The following ERLEC1 variants were observed in gnomAD, a reference collection of about 807,000 sequenced individuals.
The protein encoded by ERLEC1 is ER lectin.
A neutral mutation model predicts 68.0 loss-of-function variants in ERLEC1; 47 were observed. The ratio of observed to expected loss-of-function variants is 0.69; its 90% CI spans 0.55 to 0.88. ERLEC1 has a LOEUF of 0.88. Among genes scored for constraint, ERLEC1 ranks in the 40% least tolerant of loss-of-function variants. The probability of loss-of-function intolerance (pLI) is 0.00; values close to 1 mark genes in which losing one functional copy is unlikely to be tolerated. For missense variants in ERLEC1, 567 were observed against 583.8 expected, an observed-to-expected ratio of 0.97 and a Z score of 0.30; for synonymous variants, 225 against 203.2, an observed-to-expected ratio of 1.11 and a Z score of -0.91.
At chr2:53,802,758 G>A (rs758963977) in intron 8 of ERLEC1, among the ~76,000 whole-genome samples, 1 of 152,122 alleles carries the variant, frequency 6.6e-6, no homozygotes, top group Non-Finnish European at 1.5e-5. Flanking sequence ...GTACCGCGGA[G>A]TTTTGCTCTC....
chr2:53,812,485 C>T (rs965362969), intron 10 of ERLEC1, among the ~76,000 whole-genome samples: 3 of 151,966 alleles, frequency 2.0e-5, no homozygotes, highest in African/African-American at 2.4e-5. Flanking sequence ...TATAACATTG[C>T]GTAGGATGAA....
chr2:53,788,623 C>G (rs938940148), intron 1 of ERLEC1: 6 of 151,856 alleles, frequency 4.0e-5, no homozygotes, highest in Admixed American at 3.9e-4. Flanking sequence ...GTCTCGAACT[C>G]CTGGGCTCAA....
chr2:53,794,897 C>T (rs921039029), intron 2 of ERLEC1, among the ~76,000 whole-genome samples: 1 of 152,084 alleles, frequency 6.6e-6, no homozygotes, highest in Non-Finnish European at 1.5e-5. Context: ...TCATGATCTG[C>T]CCACCTCGGC....
chr2:53,796,547 C>T (rs1056011726), intron 3 of ERLEC1, among the ~76,000 whole-genome samples: 4 of 151,904 alleles, frequency 2.6e-5, no homozygotes, highest in African/African-American at 4.8e-5. Flanking sequence ...GCAGCCCCAA[C>T]GTCCCATGCT....
chr2:53,792,023 T>C (rs1054217098), intron 1 of ERLEC1, among the ~76,000 whole-genome samples: 2 of 151,650 alleles, frequency 1.3e-5, no homozygotes, highest in African/African-American at 2.4e-5. Flanking sequence ...GCCATTCACC[T>C]GCCTCAGCCT....
In ERLEC1 at chr2:53,812,206, C is replaced by T. The variant is rs754252401; in HGVS notation, c.1102-743C>T. Among the ~76,000 whole-genome samples, 17 of 152,234 alleles carry T rather than the reference C, an allele frequency of 1.1e-4. 1 individual carries two copies. The highest frequency in any genetic ancestry group is 8.3e-4 in the South Asian group (4 of 4,822). ...GTGGGATTACAAGTGTGAGCCTCCGCGCCCCAGCCAGGGGTTTTTAATTCT... is the reference window on the plus strand; with the variant it reads ...GTGGGATTACAAGTGTGAGCCTCCGTGCCCCAGCCAGGGGTTTTTAATTCT... On this transcript the variant is annotated intron_variant, in intron 10 of 13. Coordinates refer to ENST00000185150, the MANE Select transcript of ERLEC1 (RefSeq NM_015701.5).
chr2:53,787,127 CT>C lies in ERLEC1; in HGVS notation c.-83del. 6 of 1,285,952 alleles carry C rather than the reference CT, an allele frequency of 4.7e-6. No homozygotes were observed. Among genetic ancestry groups the C allele is most frequent in the Middle Eastern group, 2.8e-4 (1 of 3,562 alleles). 79.7% of individuals were successfully genotyped at this position (1,285,952 alleles called of 1,614,324 possible). ...CCCGGGCGCTTTATAGTCCCGCCGC[CT>C]CCTCCTCCACCTCCTCCTCCTCCTC... On this transcript the variant is annotated 5_prime_UTR_variant, in exon 1 of 14. Transcript: ENST00000185150.
chr2:53,797,297 T>G (rs1270123619), intron 3 of ERLEC1, among the ~76,000 whole-genome samples: 2 of 152,238 alleles, frequency 1.3e-5, no homozygotes, highest in Non-Finnish European at 2.9e-5. Flanking sequence ...CCAAGTGTAT[T>G]CTAGACCTAT....
intron 3 of ERLEC1, 126 bp from the exon 4 acceptor site, chr2:53,797,389 A>G (rs1675769792): frequency 1.1e-5 from 7 of 635,328 alleles, no homozygotes; most frequent in South Asian, 2.3e-5. Flanking sequence ...AGGCATAATT[A>G]TAAGTGTCAT....
At chr2:53,787,480 T>C in intron 1 of ERLEC1, 108 bp downstream of exon 1, 1 of 1,337,438 alleles carries the variant, frequency 7.5e-7, no homozygotes, top group Non-Finnish European at 1.0e-6. Flanking sequence ...CTCTGCAGAC[T>C]CTTACCTTCC....
intron 10 of ERLEC1, 52 bp from the exon 11 acceptor site, chr2:53,812,897 T>C: frequency 1.3e-6 from 2 of 1,584,468 alleles, no homozygotes; most frequent in South Asian, 1.2e-5. Context: ...AGCATAAATA[T>C]CTACTTGATG....
intron 13 of ERLEC1, among the ~76,000 whole-genome samples, chr2:53,817,214 A>T (rs896323449): frequency 1.3e-5 from 2 of 150,768 alleles, no homozygotes; most frequent in South Asian, 2.1e-4. Flanking sequence ...GCTCATTGCA[A>T]CCTCCACCTC....
At chr2:53,804,007 T>A (rs750565570) in intron 8 of ERLEC1, among the ~76,000 whole-genome samples, 1 of 152,150 alleles carries the variant, frequency 6.6e-6, no homozygotes, top group Non-Finnish European at 1.5e-5. Flanking sequence ...GATACACACC[T>A]GCAGTCCCAG....
At chr2:53,806,317 T>G (rs1226200446) in intron 8 of ERLEC1, among the ~76,000 whole-genome samples, 1 of 152,214 alleles carries the variant, frequency 6.6e-6, no homozygotes, top group Non-Finnish European at 1.5e-5. Flanking sequence ...GAAGTAGTAA[T>G]AAAGGGTCAT....
Position 53,808,320 on chromosome 2 carries a change from GAA to G in ERLEC1, c.902_903del (p.Glu301GlyfsTer31), listed in dbSNP as rs1676407618. 6.2e-7 allele frequency: 1 copy of G among 1,613,818 alleles called. No individual in the cohort carries two copies. The highest frequency in any genetic ancestry group is 8.5e-7 in the Non-Finnish European group (1 of 1,179,806). On this transcript the variant is annotated frameshift_variant, in exon 9 of 14. Transcript: ENST00000185150. LOFTEE classifies it high-confidence loss of function. ...TTAGGAAGATTTGCAATCAACTAAA[GAA>G]GAGAGATTTCCAGCGATCCACAAGT... ...NKEEDLQSTK[E>X]ERFPAIHKSI...
chr2:53,817,523 G>A (rs923007447), intron 13 of ERLEC1, among the ~76,000 whole-genome samples: 1 of 151,986 alleles, frequency 6.6e-6, no homozygotes, highest in Non-Finnish European at 1.5e-5. Context: ...TATAACATTT[G>A]ATAATTTCAA....
At chr2:53,809,793 C>T (rs964762125) in intron 10 of ERLEC1, among the ~76,000 whole-genome samples, 14 of 152,062 alleles carry the variant, frequency 9.2e-5, no homozygotes, top group Admixed American at 3.9e-4. Flanking sequence ...CAGTGGCTCA[C>T]GCCTGTATTC....
chr2:53,809,997 G>A (rs890743354), intron 10 of ERLEC1, among the ~76,000 whole-genome samples: 2 of 152,188 alleles, frequency 1.3e-5, no homozygotes, highest in Non-Finnish European at 2.9e-5. Flanking sequence ...GTTGCAGTGA[G>A]CCGAGATCAC....
At chr2:53,813,150 T>A in intron 11 of ERLEC1, 77 bp downstream of exon 11, 2 of 1,532,450 alleles carry the variant, frequency 1.3e-6, no homozygotes, top group African/African-American at 2.8e-5. Flanking sequence ...AACATAAAAA[T>A]TCAAACATTT....
Sources: gnomAD v4.1 joint callset for allele counts (sites outside exome capture counted in the v4.1 genomes callset) on GRCh38, gnomAD v4.1.1 for gene constraint, MANE v1.5 for transcripts, NCBI Gene and HGNC (gene_info 2026-07-23, HGNC 2026-07-21) for gene names.